NIPAL4: variants seen among roughly 807,000 people sequenced by gnomAD.
NIPAL4 encodes magnesium transporter NIPA4.
In NIPAL4, 21 loss-of-function variants were observed where a neutral mutation model predicts 31.6. That is an observed-to-expected ratio of 0.67 (90% CI 0.47 to 0.96). NIPAL4 has a LOEUF of 0.96. NIPAL4 is among the 40% of genes least tolerant of loss of function. The pLI, the probability that NIPAL4 is intolerant of heterozygous loss-of-function variation, is 0.00. For missense variants in NIPAL4, 438 were observed against 508.0 expected, an observed-to-expected ratio of 0.86 and a Z score of 1.32; for synonymous variants, 175 against 211.1, an observed-to-expected ratio of 0.83 and a Z score of 1.48.
chr5:157,463,372 G>A lies in NIPAL4; in HGVS notation c.277+39G>A. ...CCAGGAGAGGATAGGGCCCAGGGCAGCTGAGCTCTCACAAGGTCCGGGGCT... is the reference window on the plus strand; with the variant it reads ...CCAGGAGAGGATAGGGCCCAGGGCAACTGAGCTCTCACAAGGTCCGGGGCT... On this transcript the variant is annotated intron_variant, in intron 2 of 5. Coordinates refer to ENST00000311946, the MANE Select transcript of NIPAL4 (RefSeq NM_001099287.2). 5 of 1,559,810 alleles carry A rather than the reference G, an allele frequency of 3.2e-6. 1 individual carries two copies. The South Asian group carries it at 6.1e-5, about 19-fold the overall frequency.
At chr5:157,462,143 C>A (rs1754127292) in intron 1 of NIPAL4, among the ~76,000 whole-genome samples, 1 of 152,168 alleles carries the variant, frequency 6.6e-6, no homozygotes, top group Non-Finnish European at 1.5e-5. Flanking sequence ...CCTACAAAGG[C>A]CAAGCACGTG....
At chr5:157,464,022 T>G (rs1754185356) in intron 2 of NIPAL4, among the ~76,000 whole-genome samples, 1 of 152,078 alleles carries the variant, frequency 6.6e-6, no homozygotes, top group South Asian at 2.1e-4. Context: ...TGTTTTATCA[T>G]GTGTTAAGTG....
At chr5:157,469,612 T>C (rs1246377214) in intron 4 of NIPAL4, among the ~76,000 whole-genome samples, 1 of 152,164 alleles carries the variant, frequency 6.6e-6, no homozygotes, top group Non-Finnish European at 1.5e-5. Flanking sequence ...TTAAAAATAA[T>C]TGATACTAAA....
chr5:157,462,796 A>T (rs1269222086), intron 1 of NIPAL4, among the ~76,000 whole-genome samples: 3 of 152,216 alleles, frequency 2.0e-5, no homozygotes, highest in Non-Finnish European at 4.4e-5. Flanking sequence ...CTGAAGAATT[A>T]TTGGCTATTC....
intron 2 of NIPAL4, among the ~76,000 whole-genome samples, chr5:157,464,072 T>TTGAAAACACAGCCTGCTA (rs1754186851): frequency 6.6e-6 from 1 of 152,000 alleles, no homozygotes; most frequent in South Asian, 2.1e-4. Flanking sequence ...GGGGAATATT[T>TTGAAAACACAGCCTGCTA]TGGAGGGGTG....
In NIPAL4 at chr5:157,473,350, T is replaced by A; in HGVS notation, c.*390T>A. The A allele has an allele frequency of 5.9e-6, 1 of 169,604 alleles. No individual in the cohort carries two copies. The allele number at this position is 169,604 out of a possible 1,614,324, so 10.5% of individuals were successfully genotyped here. A position where few individuals can be genotyped will look rare whatever the true frequency, so the allele number is the denominator to read the frequency against. On this transcript the variant is annotated 3_prime_UTR_variant, in exon 6 of 6. Transcript: ENST00000311946. Reference sequence around the variant, plus strand: ...AGTTCCTTCACACCAATTCTCCTCCTGAGACGGAATCTCCGTTGTTGTTGT... The same window carrying A: ...AGTTCCTTCACACCAATTCTCCTCCAGAGACGGAATCTCCGTTGTTGTTGT...
intron 3 of NIPAL4, 188 bp downstream of exon 3, chr5:157,467,293 T>C (rs1754303745): frequency 1.7e-6 from 1 of 593,002 alleles, no homozygotes; most frequent in African/African-American, 1.8e-5. Context: ...TCTTCATCCA[T>C]GAAGCGTCTA....
chr5:157,471,091 G>A (rs1211406786), intron 4 of NIPAL4, among the ~76,000 whole-genome samples: 1 of 152,178 alleles, frequency 6.6e-6, no homozygotes, highest in Non-Finnish European at 1.5e-5. Context: ...TATTTCGTAT[G>A]AACTGTTTTT....
At chr5:157,463,428 C>A in intron 2 of NIPAL4, 95 bp downstream of exon 2, 2 of 1,383,510 alleles carry the variant, frequency 1.4e-6, no homozygotes, top group Non-Finnish European at 1.9e-6. Flanking sequence ...CAGCAAGGTA[C>A]AAAAGGCTCA....
At chr5:157,470,228 C>T (rs1754387813) in intron 4 of NIPAL4, among the ~76,000 whole-genome samples, 1 of 152,184 alleles carries the variant, frequency 6.6e-6, no homozygotes, top group Non-Finnish European at 1.5e-5. Flanking sequence ...TTATACGAGG[C>T]TTGCCTGTGA....
intron 1 of NIPAL4, 107 bp from the exon 2 acceptor site, chr5:157,462,987 C>A: frequency 7.0e-7 from 1 of 1,425,204 alleles, no homozygotes; most frequent in Non-Finnish European, 9.7e-7. Flanking sequence ...ATGGGTATAG[C>A]CCTGCAGTAG....
At position 157,474,491 on chromosome 5, in the gene NIPAL4, G is replaced by A. The variant is rs1754533247; in HGVS notation, c.*1531G>A. ...TGTGTTTATATCCTGTGCCCTAAGT[G>A]GGCCAAGCCCAGGTAAATTCCTGCT... On this transcript the variant is annotated 3_prime_UTR_variant, in exon 6 of 6. Transcript: ENST00000311946. 2 of 152,222 alleles carry A rather than the reference G, an allele frequency of 1.3e-5. No individual in the cohort carries two copies. The highest frequency in any genetic ancestry group is 4.8e-5 in the African/African-American group (2 of 41,452). 9.4% of individuals were successfully genotyped at this position (152,222 alleles called of 1,614,324 possible). A position where few individuals can be genotyped will look rare whatever the true frequency, so the allele number is the denominator to read the frequency against.
At chr5:157,467,380 A>G (rs1313181356) in intron 3 of NIPAL4, 8 of 391,872 alleles carry the variant, frequency 2.0e-5, no homozygotes, top group African/African-American at 4.1e-5. Flanking sequence ...TAGCTCGATA[A>G]TATCACTGCC....
rs1055908349 is a variant in NIPAL4, at chr5:157,468,651, G to A, written c.335-71G>A. 154 of 879,460 alleles carry A rather than the reference G, an allele frequency of 1.8e-4. 1 individual carries two copies. In the Admixed American group the frequency reaches 1.9e-3, roughly 11 times the overall value. 54.5% of individuals were successfully genotyped at this position (879,460 alleles called of 1,614,324 possible). ...TGGGATTCTCCAGCTTGTTGCACAC[G>A]GAATTATTCGTCTGGAATGGAGATG... On this transcript the variant is annotated intron_variant, in intron 3 of 5. Transcript: ENST00000311946.
At position 157,460,281 on chromosome 5, in the gene NIPAL4, C is replaced by G. The variant is rs1754053452; in HGVS notation, c.-40C>G. The G allele has an allele frequency of 1.7e-5, 26 of 1,545,686 alleles. No individual in the cohort carries two copies. The highest frequency in any genetic ancestry group is 2.3e-5 in the Non-Finnish European group (26 of 1,145,060). On this transcript the variant is annotated 5_prime_UTR_variant, in exon 1 of 6. Coordinates refer to ENST00000311946, the MANE Select transcript of NIPAL4 (RefSeq NM_001099287.2). Reference sequence around the variant, plus strand: ...CTGCTCCGGAGCTGGGGAGCCCGGGCGCCGTCCGCCCGCGCGTCGGTTCGT... The same window carrying G: ...CTGCTCCGGAGCTGGGGAGCCCGGGGGCCGTCCGCCCGCGCGTCGGTTCGT...
Position 157,460,236 on chromosome 5 carries a change from G to A in NIPAL4, c.-85G>A. On this transcript the variant is annotated 5_prime_UTR_variant, in exon 1 of 6. Coordinates refer to ENST00000311946, the MANE Select transcript of NIPAL4 (RefSeq NM_001099287.2). ...GCGGCTTCTCGCGCGCGAGCCACGC[G>A]GGGGACAAGTCGCGGCCACCTGCTC... is the stretch of plus-strand genomic sequence containing the variant. The A allele has an allele frequency of 1.3e-6, 2 of 1,517,446 alleles. No individual in the cohort carries two copies. The highest frequency in any genetic ancestry group is 1.8e-6 in the Non-Finnish European group (2 of 1,134,514). 94.0% of individuals were successfully genotyped at this position (1,517,446 alleles called of 1,614,324 possible).
intron 2 of NIPAL4, among the ~76,000 whole-genome samples, chr5:157,464,218 C>A (rs146186939): frequency 4.6e-5 from 7 of 152,154 alleles, no homozygotes; most frequent in Non-Finnish European, 8.8e-5. Flanking sequence ...AGGAATAACA[C>A]GTGCAAAGGC....
chr5:157,472,999 A>G lies in NIPAL4; in HGVS notation c.*39A>G. ...TGAGTGAGAGGATGAGTCCGATGGTACAGCCTGCCCTCCCAATTTCAAAAC... is the reference window on the plus strand; with the variant it reads ...TGAGTGAGAGGATGAGTCCGATGGTGCAGCCTGCCCTCCCAATTTCAAAAC... On this transcript the variant is annotated 3_prime_UTR_variant, in exon 6 of 6. Transcript: ENST00000311946. 1.4e-6 allele frequency: 2 copies of G among 1,477,770 alleles called. No homozygotes were observed. Among genetic ancestry groups the G allele is most frequent in the Non-Finnish European group, 1.8e-6 (2 of 1,116,140 alleles). The allele number at this position is 1,477,770 out of a possible 1,614,324, so 91.5% of individuals were successfully genotyped here. A position where few individuals can be genotyped will look rare whatever the true frequency, so the allele number is the denominator to read the frequency against.
chr5:157,473,795 T>C lies in NIPAL4; in HGVS notation c.*835T>C, dbSNP rs982085161. ...AACCCAGTGTTGCATTTTGTCTTACTCTGAAAGAAGAACAGCAAATTCACT... is the reference window on the plus strand; with the variant it reads ...AACCCAGTGTTGCATTTTGTCTTACCCTGAAAGAAGAACAGCAAATTCACT... On this transcript the variant is annotated 3_prime_UTR_variant, in exon 6 of 6. Transcript: ENST00000311946. 1 of 152,226 alleles carries C rather than the reference T, an allele frequency of 6.6e-6. No individual in the cohort carries two copies. The highest frequency in any genetic ancestry group is 1.5e-5 in the Non-Finnish European group (1 of 68,048). The allele number at this position is 152,226 out of a possible 1,614,324, so 9.4% of individuals were successfully genotyped here.
Sources: allele counts gnomAD v4.1 joint callset (sites outside exome capture counted in the v4.1 genomes callset), GRCh38; gene constraint gnomAD v4.1.1; transcripts MANE v1.5; gene names NCBI Gene and HGNC (gene_info 2026-07-23, HGNC 2026-07-21).